Variants in SLC25A26 observed in about 807,000 individuals in gnomAD.
The protein encoded by SLC25A26 is solute carrier family 25 member 26.
SLC25A26 carries 36 observed loss-of-function variants against 37.8 expected under a neutral mutation model. The ratio of observed to expected loss-of-function variants is 0.95; its 90% CI spans 0.73 to 1.26. The LOEUF (loss-of-function observed/expected upper bound fraction) is 1.26. Ranked by LOEUF, SLC25A26 falls within the 50% of genes most tolerant of loss-of-function variation. The pLI is 0.00. For missense variants in SLC25A26, 390 were observed against 331.1 expected, an observed-to-expected ratio of 1.18 and a Z score of -1.38; for synonymous variants, 129 against 122.5, an observed-to-expected ratio of 1.05 and a Z score of -0.35.
intron 3 of SLC25A26, among the ~76,000 whole-genome samples, chr3:66,247,363 C>T (rs2072898181): frequency 6.6e-6 from 1 of 152,066 alleles, no homozygotes; most frequent in South Asian, 2.1e-4. Flanking sequence ...GGCTGAAGAG[C>T]AGTGATGTGG....
At chr3:66,141,084 C>A (rs1054441029) in intron 1 of SLC25A26, among the ~76,000 whole-genome samples, 1 of 151,224 alleles carries the variant, frequency 6.6e-6, no homozygotes, top group Non-Finnish European at 1.5e-5. Flanking sequence ...CAAATGAGCA[C>A]GTGTAAAACA....
At chr3:66,213,175 G>A (rs1434105026) in intron 1 of SLC25A26, among the ~76,000 whole-genome samples, 5 of 152,004 alleles carry the variant, frequency 3.3e-5, no homozygotes, top group African/African-American at 4.8e-5. Context: ...CGAGGTGGGT[G>A]GATCACCTGA....
Position 66,256,528 on chromosome 3 carries a change from G to A in SLC25A26, c.301-5523G>A, listed in dbSNP as rs2073308446. 2.0e-5 allele frequency among the ~76,000 whole-genome samples: 3 copies of A among 152,260 alleles called. No homozygotes were observed. The South Asian group carries it at 6.2e-4, about 32-fold the overall frequency. On this transcript the variant is annotated intron_variant, in intron 3 of 9. Coordinates refer to ENST00000354883, the MANE Select transcript of SLC25A26 (RefSeq NM_001379210.1). ...ATAGGTAGGTAGAAAAGAAACACCT[G>A]TAATTCTACTCTGTTTTTTCCCTAC...
intron 5 of SLC25A26, among the ~76,000 whole-genome samples, chr3:66,285,821 C>CA (rs2107476844): frequency 6.6e-6 from 1 of 152,220 alleles, no homozygotes; most frequent in South Asian, 2.1e-4. Context: ...GAACGAACCA[C>CA]ATTGCCCTTC....
chr3:66,349,453 GTACTATTA>G (rs992161103), intron 6 of SLC25A26, among the ~76,000 whole-genome samples: 2 of 150,980 alleles, frequency 1.3e-5, no homozygotes, highest in African/African-American at 4.9e-5. Context: ...TAGATACAGG[GTACTATTA>G]TACCATCTTG....
chr3:66,312,947 C>T (rs147849002), intron 5 of SLC25A26, among the ~76,000 whole-genome samples: 5 of 152,218 alleles, frequency 3.3e-5, no homozygotes, highest in African/African-American at 1.2e-4. Context: ...TCCTATTCAG[C>T]CATCTTGCCA....
At chr3:66,265,502 C>A (rs2073710111) in intron 5 of SLC25A26, among the ~76,000 whole-genome samples, 1 of 152,188 alleles carries the variant, frequency 6.6e-6, no homozygotes, top group Admixed American at 6.5e-5. Flanking sequence ...ATCTGCTCTG[C>A]ATCTGCGTTT....
intron 5 of SLC25A26, among the ~76,000 whole-genome samples, chr3:66,333,862 C>G (rs1319457021): frequency 6.6e-6 from 1 of 152,136 alleles, no homozygotes; most frequent in Non-Finnish European, 1.5e-5. Context: ...AACACACACT[C>G]CAGTTCCCTC....
chr3:66,340,634 C>G (rs1174933618), intron 5 of SLC25A26, among the ~76,000 whole-genome samples: 1 of 151,888 alleles, frequency 6.6e-6, no homozygotes, highest in Non-Finnish European at 1.5e-5. Context: ...TGTGGATATT[C>G]AGTTGTTTCA....
Position 66,253,591 on chromosome 3 carries a change from C to T in SLC25A26, c.301-8460C>T, listed in dbSNP as rs552069310. Among the ~76,000 whole-genome samples, 235 of 152,186 alleles carry T rather than the reference C, an allele frequency of 1.5e-3. 1 individual carries two copies. Among genetic ancestry groups the T allele is most frequent in the African/African-American group, 5.4e-3 (225 of 41,524 alleles). On this transcript the variant is annotated intron_variant, in intron 3 of 9. Coordinates refer to ENST00000354883, the MANE Select transcript of SLC25A26 (RefSeq NM_001379210.1). ...AGGGGAGCCCTAGAAAGCAGGAAGT[C>T]AACATTCCCTTGCAGCTTCCAGAAG... is the stretch of plus-strand genomic sequence containing the variant.
At chr3:66,338,943 C>T (rs1202249358) in intron 5 of SLC25A26, among the ~76,000 whole-genome samples, 2 of 151,938 alleles carry the variant, frequency 1.3e-5, no homozygotes, top group Admixed American at 1.3e-4. Context: ...TACTCCATCC[C>T]GTTGTATGTA....
At chr3:66,303,278 C>G (rs758897423) in intron 5 of SLC25A26, among the ~76,000 whole-genome samples, 11 of 152,208 alleles carry the variant, frequency 7.2e-5, no homozygotes, top group Non-Finnish European at 1.5e-4. Flanking sequence ...CTCCCCCTCT[C>G]TAGTCAAGCA....
intron 9 of SLC25A26, among the ~76,000 whole-genome samples, chr3:66,372,884 G>C (rs745390905): frequency 1.3e-5 from 2 of 152,034 alleles, no homozygotes; most frequent in Non-Finnish European, 2.9e-5. Flanking sequence ...AAGTTTACTA[G>C]GTACTACTTG....
At chr3:66,313,983 G>A (rs1310572664) in intron 5 of SLC25A26, among the ~76,000 whole-genome samples, 10 of 152,100 alleles carry the variant, frequency 6.6e-5, no homozygotes, top group East Asian at 1.9e-4. Context: ...ATCCTGAGAC[G>A]TTGCTGAAAT....
intron 6 of SLC25A26, chr3:66,356,015 TATC>T (rs1276455836): frequency 3.5e-5 from 16 of 453,162 alleles, no homozygotes; most frequent in African/African-American, 6.2e-5. Context: ...TATAGTAAAA[TATC>T]ATCATCTTGT....
intron 2 of SLC25A26, among the ~76,000 whole-genome samples, chr3:66,236,980 G>A (rs541600950): frequency 3.1e-4 from 47 of 152,256 alleles, no homozygotes; most frequent in African/African-American, 1.1e-3. Context: ...GGGACTACAG[G>A]CGTGCACCAC....
At chr3:66,341,159 A>G (rs1001457879) in intron 5 of SLC25A26, among the ~76,000 whole-genome samples, 4 of 152,250 alleles carry the variant, frequency 2.6e-5, no homozygotes, top group Middle Eastern at 6.8e-3. Context: ...CTTATTCATG[A>G]TCTTAAGGGG....
chr3:66,311,132 C>CCCCT (rs2075364971), intron 5 of SLC25A26, among the ~76,000 whole-genome samples: 1 of 152,154 alleles, frequency 6.6e-6, no homozygotes, highest in African/African-American at 2.4e-5. Flanking sequence ...GTACACCAAT[C>CCCCT]AATCGTAGGT....
At chr3:66,359,885 C>A (rs1038293377) in intron 6 of SLC25A26, among the ~76,000 whole-genome samples, 1 of 152,148 alleles carries the variant, frequency 6.6e-6, no homozygotes, top group Non-Finnish European at 1.5e-5. Context: ...TATCTGCTTT[C>A]ACAAGTAAGG....
Sources: gnomAD v4.1 joint callset for allele counts (sites outside exome capture counted in the v4.1 genomes callset) on GRCh38, gnomAD v4.1.1 for gene constraint, MANE v1.5 for transcripts, NCBI Gene and HGNC (gene_info 2026-07-23, HGNC 2026-07-21) for gene names.